The following TMEM132D variants were observed in gnomAD, a reference collection of about 807,000 sequenced individuals.
The protein encoded by TMEM132D is mature OL transmembrane protein.
TMEM132D carries 21 observed loss-of-function variants against 62.3 expected under a neutral mutation model. That is an observed-to-expected ratio of 0.34 (90% CI 0.24 to 0.49). TMEM132D has a LOEUF of 0.49. Among genes scored for constraint, TMEM132D ranks in the 20% least tolerant of loss-of-function variants. The pLI is 0.99. For synonymous variants in TMEM132D, 621 were observed against 575.6 expected (o/e 1.08, Z -1.13); for missense variants, 1,346 against 1,402.8 (o/e 0.96, Z 0.65).
chr12:129,531,265 G>C, intron 2 of TMEM132D, 60 bp from the exon 3 acceptor site: 1 of 1,520,226 alleles, frequency 6.6e-7, no homozygotes, highest in Non-Finnish European at 8.9e-7. Flanking sequence ...GGTCATGCTG[G>C]TTCTGGGAAC....
intron 4 of TMEM132D, among the ~76,000 whole-genome samples, chr12:129,243,376 T>A (rs1417432882): frequency 3.3e-5 from 5 of 152,150 alleles, no homozygotes; most frequent in African/African-American, 9.7e-5. Flanking sequence ...TATTATTATT[T>A]TTACTATACT....
At chr12:129,460,621 C>T (rs1387376546) in intron 3 of TMEM132D, among the ~76,000 whole-genome samples, 3 of 152,174 alleles carry the variant, frequency 2.0e-5, no homozygotes, top group Non-Finnish European at 1.5e-5. Flanking sequence ...CTGCATTGGG[C>T]ATCCAGTTAG....
intron 4 of TMEM132D, among the ~76,000 whole-genome samples, chr12:129,286,877 G>C (rs1267856222): frequency 6.6e-6 from 1 of 151,996 alleles, no homozygotes; most frequent in Non-Finnish European, 1.5e-5. Context: ...GTGAAACCCC[G>C]TCTCTACTAA....
At chr12:129,165,794 CCTT>C (rs753708131) in intron 5 of TMEM132D, among the ~76,000 whole-genome samples, 41 of 152,228 alleles carry the variant, frequency 2.7e-4, no homozygotes, top group African/African-American at 9.4e-4. Flanking sequence ...CTCCTTGACT[CCTT>C]CTGGCTAGAC....
intron 4 of TMEM132D, among the ~76,000 whole-genome samples, chr12:129,248,706 G>A (rs781415513): frequency 7.2e-5 from 11 of 151,926 alleles, no homozygotes; most frequent in Admixed American, 5.3e-4. Flanking sequence ...TTGCTCCCCC[G>A]CTCCACCCTC....
At chr12:129,869,297 C>T (rs1181136596) in intron 1 of TMEM132D, among the ~76,000 whole-genome samples, 1 of 152,106 alleles carries the variant, frequency 6.6e-6, no homozygotes, top group Non-Finnish European at 1.5e-5. Flanking sequence ...TGTGAAATTA[C>T]CTGCATTTTC....
At chr12:129,516,472 A>C (rs1963542) in intron 3 of TMEM132D, among the ~76,000 whole-genome samples, 1,881 of 152,202 alleles carry the variant, frequency 0.012, 48 homozygotes, top group African/African-American at 0.044. Context: ...TGAAAGGCAC[A>C]TCTTACATGG....
At chr12:129,357,415 GAGAA>G (rs1870104472) in intron 3 of TMEM132D, among the ~76,000 whole-genome samples, 2 of 148,624 alleles carry the variant, frequency 1.3e-5, no homozygotes, top group South Asian at 2.2e-4. Context: ...AGGAAGGAAG[GAGAA>G]AGAAAGACGG....
intron 1 of TMEM132D, among the ~76,000 whole-genome samples, chr12:129,742,080 C>A (rs961776981): frequency 6.6e-6 from 1 of 152,140 alleles, no homozygotes; most frequent in African/African-American, 2.4e-5. Flanking sequence ...GCTCTCCTCA[C>A]AAAGGTTTAG....
chr12:129,150,365 A>T (rs1215139661), intron 5 of TMEM132D, among the ~76,000 whole-genome samples: 1 of 152,236 alleles, frequency 6.6e-6, no homozygotes, highest in Admixed American at 6.5e-5. Flanking sequence ...GGACTCTGTT[A>T]TGCCAGTCAT....
chr12:129,470,220 C>T (rs150338961), intron 3 of TMEM132D, among the ~76,000 whole-genome samples: 2 of 152,124 alleles, frequency 1.3e-5, no homozygotes, highest in Non-Finnish European at 1.5e-5. Flanking sequence ...ATAAGATGAG[C>T]GCATTTGGAT....
intron 5 of TMEM132D, among the ~76,000 whole-genome samples, chr12:129,162,688 T>G (rs1325824536): frequency 6.6e-6 from 1 of 152,080 alleles, no homozygotes; most frequent in Non-Finnish European, 1.5e-5. Flanking sequence ...CGACTCTCGT[T>G]CCTGATTTTA....
chr12:129,410,954 G>T (rs1341166414), intron 3 of TMEM132D, among the ~76,000 whole-genome samples: 1 of 150,922 alleles, frequency 6.6e-6, no homozygotes, highest in Non-Finnish European at 1.5e-5. Flanking sequence ...TTATATTTAG[G>T]TTTTCAATTT....
At chr12:129,726,562 G>T (rs1421986485) in intron 1 of TMEM132D, among the ~76,000 whole-genome samples, 1 of 152,192 alleles carries the variant, frequency 6.6e-6, no homozygotes, top group Non-Finnish European at 1.5e-5. Context: ...CCATGGTGAA[G>T]ACGCTGGGCT....
At chr12:129,414,151 A>G (rs942008071) in intron 3 of TMEM132D, among the ~76,000 whole-genome samples, 25 of 152,190 alleles carry the variant, frequency 1.6e-4, no homozygotes, top group African/African-American at 6.0e-4. Context: ...TCTTTCTCTC[A>G]ACACCATACG....
intron 2 of TMEM132D, among the ~76,000 whole-genome samples, chr12:129,561,139 A>C (rs1388679412): frequency 6.6e-6 from 1 of 152,188 alleles, no homozygotes; most frequent in Non-Finnish European, 1.5e-5. Flanking sequence ...AGATTCAGGG[A>C]ATGCCTCTCT....
chr12:129,181,254 T>G (rs1283434105), intron 5 of TMEM132D, among the ~76,000 whole-genome samples: 3 of 152,148 alleles, frequency 2.0e-5, no homozygotes, highest in Non-Finnish European at 4.4e-5. Flanking sequence ...AAATTCCTCC[T>G]CCTCCATTTC....
intron 2 of TMEM132D, among the ~76,000 whole-genome samples, chr12:129,586,157 C>A (rs1878024909): frequency 6.6e-6 from 1 of 152,080 alleles, no homozygotes; most frequent in Non-Finnish European, 1.5e-5. Flanking sequence ...ACGAAAGCTC[C>A]CAGCCTCCTC....
At chr12:129,224,391 T>C (rs1490767311) in intron 4 of TMEM132D, among the ~76,000 whole-genome samples, 1 of 152,172 alleles carries the variant, frequency 6.6e-6, no homozygotes, top group African/African-American at 2.4e-5. Context: ...GTTTTAAATA[T>C]ACACATTTAA....
Sources: allele counts gnomAD v4.1 joint callset (sites outside exome capture counted in the v4.1 genomes callset), GRCh38; gene constraint gnomAD v4.1.1; transcripts MANE v1.5; gene names NCBI Gene and HGNC (gene_info 2026-07-23, HGNC 2026-07-21).